The following CAMSAP1 variants were observed in gnomAD, a reference collection of about 807,000 sequenced individuals.
CAMSAP1 encodes the protein calmodulin-regulated spectrin-associated protein 1.
In CAMSAP1, 58 loss-of-function variants were observed where a neutral mutation model predicts 143.5. That is an observed-to-expected ratio of 0.40 (90% confidence interval 0.33 to 0.50). The LOEUF (loss-of-function observed/expected upper bound fraction) is 0.50, where lower values mean the gene tolerates loss of function less well. Among genes scored for constraint, CAMSAP1 ranks in the 20% least tolerant of loss-of-function variants. The probability of loss-of-function intolerance (pLI) is 0.45; values close to 1 mark genes in which losing one functional copy is unlikely to be tolerated. For synonymous variants in CAMSAP1, 945 were observed against 859.3 expected (o/e 1.10, Z -1.74); for missense variants, 1,969 against 2,115.7 (o/e 0.93, Z 1.36).
At chr9:135,817,718 T>C in intron 14 of CAMSAP1, 1 of 415,774 alleles carries the variant, frequency 2.4e-6, no homozygotes, top group East Asian at 4.8e-5. Flanking sequence ...CTCAAAACGA[T>C]GAAGAAGCAG....
chr9:135,862,156 A>C (rs2130932289), intron 5 of CAMSAP1, among the ~76,000 whole-genome samples: 4 of 149,808 alleles, frequency 2.7e-5, no homozygotes, highest in South Asian at 2.1e-4. Flanking sequence ...CTCCCTCTCC[A>C]CCACCCCCCG....
chr9:135,813,765 C>T (rs759619027), intron 16 of CAMSAP1, among the ~76,000 whole-genome samples: 4 of 152,234 alleles, frequency 2.6e-5, no homozygotes, highest in Non-Finnish European at 5.9e-5. Context: ...TGCACGCTGA[C>T]GCTGGTTTCC....
At chr9:135,883,657 ACAG>A (rs376030945) in intron 1 of CAMSAP1, among the ~76,000 whole-genome samples, 1 of 152,190 alleles carries the variant, frequency 6.6e-6, no homozygotes, top group Non-Finnish European at 1.5e-5. Context: ...CCATGACGAC[ACAG>A]CAGCAGCAGC....
At position 135,818,590 on chromosome 9, in the gene CAMSAP1, C is replaced by T. The variant is rs1835328365; in HGVS notation, c.3986G>A (p.Arg1329Gln). The part of the protein sequence containing the change: ...ARRKAEEDRV[R>Q]KEEEKARREL... ...GCGCCGCGCCTTCTCCTCCTCCTTCCGCACCCGGTCTTCCTCAGCTTTGCG... is the reference window on the plus strand; with the variant it reads ...GCGCCGCGCCTTCTCCTCCTCCTTCTGCACCCGGTCTTCCTCAGCTTTGCG... Residue 1329 changes from arginine to glutamine, a missense_variant, in exon 13 of 17, where the codon CGG becomes CAG. Arg to Gln is a conservative substitution (Grantham distance 43). This residue lies in a region of CAMSAP1 where 1,390 missense variants were observed against 1,420.8 expected (regional missense o/e 0.98). Coordinates refer to ENST00000389532, the MANE Select transcript of CAMSAP1 (RefSeq NM_015447.4). The surrounding 1 kb of genome is among the most constrained non-coding windows in gnomAD (Gnocchi z 7.7). 1.2e-6 allele frequency: 2 copies of T among 1,613,368 alleles called. No individual in the cohort carries two copies. Among genetic ancestry groups the T allele is most frequent in the East Asian group, 4.5e-5 (2 of 44,876 alleles).
At chr9:135,856,093 C>T (rs978273904) in intron 5 of CAMSAP1, among the ~76,000 whole-genome samples, 1 of 152,104 alleles carries the variant, frequency 6.6e-6, no homozygotes, top group African/African-American at 2.4e-5. Flanking sequence ...AAAAGCCAAA[C>T]TATTTGTTTT....
chr9:135,828,528 C>T (rs1173160625), intron 7 of CAMSAP1, among the ~76,000 whole-genome samples: 3 of 151,372 alleles, frequency 2.0e-5, no homozygotes, highest in Non-Finnish European at 4.4e-5. Flanking sequence ...AACCCCCAAC[C>T]CAAGAAGGCT....
At chr9:135,868,144 TGA>T (rs1837445516) in intron 3 of CAMSAP1, among the ~76,000 whole-genome samples, 1 of 151,298 alleles carries the variant, frequency 6.6e-6, no homozygotes, top group South Asian at 2.1e-4. Context: ...ACAAAAAAGC[TGA>T]GAGAATTCAG....
chr9:135,856,137 T>C (rs1836961481), intron 5 of CAMSAP1, among the ~76,000 whole-genome samples: 1 of 152,212 alleles, frequency 6.6e-6, no homozygotes. Context: ...TCTGCCTATA[T>C]TAGTCCATCT....
chr9:135,850,284 A>G (rs749584582), intron 6 of CAMSAP1, 38 bp downstream of exon 6: 10 of 1,612,420 alleles, frequency 6.2e-6, no homozygotes, highest in Non-Finnish European at 7.6e-6. Context: ...TTATTCACAC[A>G]TGGTTTTAAA....
chr9:135,823,141 T>C lies in CAMSAP1; in HGVS notation c.1520A>G (p.Asn507Ser), dbSNP rs755670603. 82 of 1,613,402 alleles carry C rather than the reference T, an allele frequency of 5.1e-5. No homozygotes were observed. The highest frequency in any genetic ancestry group is 1.2e-4 in the African/African-American group (9 of 74,884). Residue 507 changes from asparagine (N) to serine (S), a missense_variant, in exon 11 of 17, where the codon AAC becomes AGC. By Grantham distance (46) the Asn-to-Ser change is conservative (BLOSUM62 1). Transcript: ENST00000389532. Reference protein sequence around the residue: ...RSISKDSLASNIVNLTPQNQP... With the variant: ...RSISKDSLASSIVNLTPQNQP... ...GTTCTGTGGGGTCAGATTAACAATG[T>C]TGGATGCCAAACTGTCTTTGCTGAT...
chr9:135,846,829 T>A (rs905561468), intron 7 of CAMSAP1, among the ~76,000 whole-genome samples: 1 of 151,890 alleles, frequency 6.6e-6, no homozygotes, highest in East Asian at 1.9e-4. Context: ...AAAACCACAA[T>A]GAGATACCAT....
At chr9:135,838,657 A>G (rs994806617) in intron 7 of CAMSAP1, among the ~76,000 whole-genome samples, 4 of 148,040 alleles carry the variant, frequency 2.7e-5, no homozygotes, top group Admixed American at 2.0e-4. Flanking sequence ...GACACACATC[A>G]TCACGCACTT....
In CAMSAP1 at chr9:135,907,093, C is replaced by A; in HGVS notation, c.67G>T (p.Ala23Ser). The A allele has an allele frequency of 1.7e-6, 2 of 1,147,048 alleles. No homozygotes were observed. The highest frequency in any genetic ancestry group is 2.2e-6 in the Non-Finnish European group (2 of 930,016). The allele number at this position is 1,147,048 out of a possible 1,614,324, so 71.1% of individuals were successfully genotyped here. A position where few individuals can be genotyped will look rare whatever the true frequency, so the allele number is the denominator to read the frequency against. Reference sequence around the variant, plus strand: ...CGGTCCAGGGGCACGAGGTCGGCGGCGCCGTCCGGCGGGGCCTCCATCTTC... The same window carrying A: ...CGGTCCAGGGGCACGAGGTCGGCGGAGCCGTCCGGCGGGGCCTCCATCTTC... Reference protein sequence around the residue: ...WRKMEAPPDGAADLVPLDRYD... With the variant: ...WRKMEAPPDGSADLVPLDRYD... Residue 23 changes from alanine to serine, a missense_variant, in exon 1 of 17, where the codon GCC (alanine) becomes TCC (serine). Around this residue, in one of 4 missense-constraint regions of CAMSAP1, gnomAD observed 215 missense variants for 196.2 expected, o/e 1.10. Transcript: ENST00000389532.
chr9:135,848,080 T>C (rs1218983617), intron 7 of CAMSAP1, among the ~76,000 whole-genome samples: 1 of 151,258 alleles, frequency 6.6e-6, no homozygotes, highest in East Asian at 2.0e-4. Context: ...GAAACGAATC[T>C]GAAAACAGGA....
rs1837991359 is a variant in CAMSAP1 at position 135,882,444 on chromosome 9, G to T, written c.423+372C>A. 6.6e-6 allele frequency among the ~76,000 whole-genome samples: 1 copy of T among 152,058 alleles called. No homozygotes were observed. Among genetic ancestry groups the T allele is most frequent in the South Asian group, 2.1e-4 (1 of 4,824 alleles). On this transcript the variant is annotated intron_variant, in intron 2 of 16. Coordinates refer to ENST00000389532, the MANE Select transcript of CAMSAP1 (RefSeq NM_015447.4). The surrounding 1 kb of genome is among the most constrained non-coding windows in gnomAD (Gnocchi z 4.9). ...GGGTGGGATACTTGGGGGAGAAAAA[G>T]GCAGACTGAGTTATTTTAGCACAAA...
Position 135,854,564 on chromosome 9 carries a change from G to A in CAMSAP1, c.809-4103C>T, listed in dbSNP as rs191436591. Reference sequence around the variant, plus strand: ...TGTGGCCTCAGCCTCCTGAGCTCAAGTGATCCTCCTGTCTCAGCTTCCTGA... The same window carrying A: ...TGTGGCCTCAGCCTCCTGAGCTCAAATGATCCTCCTGTCTCAGCTTCCTGA... On this transcript the variant is annotated intron_variant, in intron 5 of 16. Transcript: ENST00000389532. 6.3e-3 allele frequency among the ~76,000 whole-genome samples: 956 copies of A among 151,996 alleles called. 3 individuals carry two copies. The highest frequency in any genetic ancestry group is 0.02 in the Middle Eastern group (6 of 294).
chr9:135,850,520 A>G (rs1328952361), intron 5 of CAMSAP1, 59 bp from the exon 6 acceptor site: 2 of 1,377,118 alleles, frequency 1.5e-6, no homozygotes, highest in Non-Finnish European at 2.0e-6. Context: ...CGAGAGAGAG[A>G]GAAGCATTCT....
chr9:135,841,661 G>A (rs1024845129), intron 7 of CAMSAP1, among the ~76,000 whole-genome samples: 13 of 152,236 alleles, frequency 8.5e-5, no homozygotes, highest in Non-Finnish European at 1.9e-4. Flanking sequence ...GGAACAGGCA[G>A]CAATCTTTGC....
intron 1 of CAMSAP1, among the ~76,000 whole-genome samples, chr9:135,901,356 C>T (rs1342535334): frequency 1.3e-5 from 2 of 152,208 alleles, no homozygotes; most frequent in Non-Finnish European, 2.9e-5. Flanking sequence ...GATCCCAGCA[C>T]TTTGGGAGGC....
Sources: gnomAD v4.1 joint callset for allele counts (sites outside exome capture counted in the v4.1 genomes callset) on GRCh38, gnomAD v4.1.1 for gene constraint, gnomAD v4.1.1 regional missense constraint, Gnocchi (gnomAD v3.1) non-coding constraint, MANE v1.5 for transcripts, NCBI Gene and HGNC (gene_info 2026-07-23, HGNC 2026-07-21) for gene names.